KCNIP4: variants seen among roughly 807,000 people sequenced by gnomAD.
KCNIP4 encodes potassium voltage-gated channel interacting protein 4, also known as Kv channel-interacting protein 4.
A neutral mutation model predicts 34.0 loss-of-function variants in KCNIP4; 12 were observed. That is an observed-to-expected ratio of 0.35 (90% confidence interval 0.23 to 0.57). KCNIP4 has a LOEUF of 0.57. Among genes scored for constraint, KCNIP4 ranks in the 20% least tolerant of loss-of-function variants. The pLI is 0.83. For missense variants in KCNIP4, 238 were observed against 311.7 expected (o/e 0.76, Z 1.78); for synonymous variants, 124 against 102.2 (o/e 1.21, Z -1.29).
chr4:20,853,091 C>G (rs1363761917), intron 2 of KCNIP4, among the ~76,000 whole-genome samples: 1 of 152,156 alleles, frequency 6.6e-6, no homozygotes, highest in Non-Finnish European at 1.5e-5. Flanking sequence ...ATAATCCCCA[C>G]AGAATACCAT....
chr4:21,740,481 T>C (rs1484599896), intron 1 of KCNIP4, among the ~76,000 whole-genome samples: 2 of 152,062 alleles, frequency 1.3e-5, no homozygotes, highest in Admixed American at 6.6e-5. Context: ...TGCCAGGAAC[T>C]GATATATATA....
At chr4:20,920,080 G>C (rs1159628311) in intron 1 of KCNIP4, among the ~76,000 whole-genome samples, 1 of 152,074 alleles carries the variant, frequency 6.6e-6, no homozygotes, top group Non-Finnish European at 1.5e-5. Flanking sequence ...CCATTCTTAA[G>C]TAATTAAATT....
intron 1 of KCNIP4, among the ~76,000 whole-genome samples, chr4:21,312,105 T>C (rs1028392543): frequency 1.3e-5 from 2 of 152,106 alleles, no homozygotes; most frequent in Non-Finnish European, 2.9e-5. Flanking sequence ...TGGGTAAAGG[T>C]AGTTAAATGG....
At chr4:21,837,220 C>T (rs1170242240) in intron 1 of KCNIP4, among the ~76,000 whole-genome samples, 1 of 149,534 alleles carries the variant, frequency 6.7e-6, no homozygotes, top group Non-Finnish European at 1.5e-5. Flanking sequence ...ATCGGCCAAG[C>T]TGGGATAACA....
At chr4:21,526,351 C>T (rs1735974443) in intron 1 of KCNIP4, among the ~76,000 whole-genome samples, 1 of 152,042 alleles carries the variant, frequency 6.6e-6, no homozygotes, top group South Asian at 2.1e-4. Context: ...TTTGCTCTTC[C>T]TTCATCTTCT....
At chr4:21,427,000 T>C (rs1725986159) in intron 1 of KCNIP4, among the ~76,000 whole-genome samples, 1 of 151,988 alleles carries the variant, frequency 6.6e-6, no homozygotes, top group Admixed American at 6.6e-5. Context: ...TTCTCACAAA[T>C]GCACCCCAAC....
intron 1 of KCNIP4, among the ~76,000 whole-genome samples, chr4:21,929,781 C>A (rs1729462329): frequency 1.3e-5 from 2 of 152,276 alleles, no homozygotes; most frequent in East Asian, 1.9e-4. Context: ...TGCTTCAACT[C>A]CTAACTGCCA....
chr4:20,868,306 T>A (rs1011799946), intron 2 of KCNIP4, among the ~76,000 whole-genome samples: 2 of 152,066 alleles, frequency 1.3e-5, no homozygotes, highest in African/African-American at 4.8e-5. Context: ...TACCATCTCA[T>A]ACCAGTCAGA....
intron 1 of KCNIP4, among the ~76,000 whole-genome samples, chr4:21,257,734 A>G (rs1761161005): frequency 6.7e-6 from 1 of 149,926 alleles, no homozygotes; most frequent in Admixed American, 6.7e-5. Flanking sequence ...TGGGTGACAC[A>G]GCAAGACTCA....
At chr4:20,898,106 G>A (rs1208814159) in intron 1 of KCNIP4, among the ~76,000 whole-genome samples, 1 of 152,040 alleles carries the variant, frequency 6.6e-6, no homozygotes, top group East Asian at 1.9e-4. Flanking sequence ...CTCAGCTGGG[G>A]CTTCCATCTT....
At chr4:21,611,083 C>A (rs1744122915) in intron 1 of KCNIP4, among the ~76,000 whole-genome samples, 2 of 151,910 alleles carry the variant, frequency 1.3e-5, no homozygotes, top group Non-Finnish European at 1.5e-5. Flanking sequence ...GTTTTCTGTT[C>A]TTTTGTTAGT....
At chr4:21,268,815 C>T (rs534038321) in intron 1 of KCNIP4, among the ~76,000 whole-genome samples, 2 of 152,330 alleles carry the variant, frequency 1.3e-5, no homozygotes, top group African/African-American at 4.8e-5. Flanking sequence ...CCAGTCCTGG[C>T]AACGGTCAAG....
At chr4:21,064,896 C>T (rs1211049225) in intron 1 of KCNIP4, among the ~76,000 whole-genome samples, 1 of 152,178 alleles carries the variant, frequency 6.6e-6, no homozygotes, top group African/African-American at 2.4e-5. Context: ...AGCCAATGCA[C>T]AATTTAATTC....
At chr4:20,967,928 A>G (rs543291260) in intron 1 of KCNIP4, among the ~76,000 whole-genome samples, 59 of 152,308 alleles carry the variant, frequency 3.9e-4, no homozygotes, top group Non-Finnish European at 6.5e-4. Context: ...CAATAGACAA[A>G]TGGGATCTAA....
chr4:21,893,306 G>T (rs999272278), intron 1 of KCNIP4, among the ~76,000 whole-genome samples: 1 of 152,076 alleles, frequency 6.6e-6, no homozygotes, highest in Admixed American at 6.6e-5. Flanking sequence ...TGTATGCTTT[G>T]GTTTTATTTT....
chr4:20,989,250 A>T (rs182692521), intron 1 of KCNIP4, among the ~76,000 whole-genome samples: 1 of 152,340 alleles, frequency 6.6e-6, no homozygotes, highest in East Asian at 1.9e-4. Flanking sequence ...AAGAAGGAAC[A>T]GAGAAAGTTT....
intron 1 of KCNIP4, among the ~76,000 whole-genome samples, chr4:21,268,863 G>A (rs556466493): frequency 4.6e-5 from 7 of 152,356 alleles, no homozygotes; most frequent in East Asian, 3.9e-4. Flanking sequence ...AAGCCAAGAC[G>A]TAAAGAATGA....
At chr4:21,716,305 C>T (rs1038408798) in intron 1 of KCNIP4, among the ~76,000 whole-genome samples, 4 of 151,994 alleles carry the variant, frequency 2.6e-5, no homozygotes, top group African/African-American at 7.3e-5. Flanking sequence ...GGCGTGATCT[C>T]GGCTCACTGC....
intron 1 of KCNIP4, among the ~76,000 whole-genome samples, chr4:21,040,436 T>C (rs570979775): frequency 6.6e-6 from 1 of 152,256 alleles, no homozygotes; most frequent in East Asian, 1.9e-4. Context: ...CCAGAAATAA[T>C]TAAGGATAAT....
Sources: allele counts gnomAD v4.1 joint callset (sites outside exome capture counted in the v4.1 genomes callset), GRCh38; gene constraint gnomAD v4.1.1; transcripts MANE v1.5; gene names NCBI Gene and HGNC (gene_info 2026-07-23, HGNC 2026-07-21).